The following NAV2 variants were observed in gnomAD, a reference collection of about 807,000 sequenced individuals.
NAV2 encodes the protein neuron navigator 2, also known as helicase, APC down-regulated 1.
Under a neutral mutation model 223.2 loss-of-function variants are expected in NAV2, and 54 were observed. The observed-to-expected ratio is 0.24, with a 90% CI of 0.19 to 0.30. The LOEUF is 0.30. Ranked by LOEUF, NAV2 falls within the 10% of genes least tolerant of loss-of-function variation. The pLI is 1.00. For missense variants in NAV2, 2,806 were observed against 3,147.5 expected, an observed-to-expected ratio of 0.89 and a Z score of 2.60; for synonymous variants, 1,279 against 1,239.3, an observed-to-expected ratio of 1.03 and a Z score of -0.67.
chr11:19,494,885 C>T lies in NAV2; in HGVS notation c.75+143858C>T, dbSNP rs553813943. On this transcript the variant is annotated intron_variant, in intron 1 of 37. Coordinates refer to the NAV2 transcript ENST00000360655. ...GGGTTAGCCTCCAGCAGCTGACCCC[C>T]CGGGCTGTTGTGGTGCTGCAGGCTT... Among the ~76,000 whole-genome samples the T allele has an allele frequency of 1.4e-3, 215 of 152,330 alleles. 2 individuals carry two copies. The highest frequency in any genetic ancestry group is 4.8e-3 in the African/African-American group (200 of 41,578).
rs1228078421 is a variant in NAV2, at chr11:20,107,764, C to T, written c.6942C>T (p.Ala2314=). 8.1e-6 allele frequency: 13 copies of T among 1,613,684 alleles called. No individual in the cohort carries two copies. The highest frequency in any genetic ancestry group is 4.5e-5 in the East Asian group (2 of 44,876). Residue 2314 remains alanine (A), a synonymous_variant, in exon 36 of 38, where the codon GCC becomes GCT. Transcript: ENST00000349880. ...NYSIIPYLLE[A]VREGLQLYGR... ...CCATTATCCCCTATCTCCTGGAAGCCGTCAGAGAAGGACTCCAGGTGAGAA... is the reference window on the plus strand; with the variant it reads ...CCATTATCCCCTATCTCCTGGAAGCTGTCAGAGAAGGACTCCAGGTGAGAA...
chr11:19,696,236 C>T (rs1015012984), intron 1 of NAV2, among the ~76,000 whole-genome samples: 30 of 152,178 alleles, frequency 2.0e-4, no homozygotes, highest in African/African-American at 7.0e-4. Flanking sequence ...TCTGTCCTAG[C>T]AGTACAGCTG....
intron 10 of NAV2, among the ~76,000 whole-genome samples, chr11:19,970,887 T>TGATTA (rs979149003): frequency 2.0e-5 from 3 of 152,220 alleles, no homozygotes; most frequent in Admixed American, 2.0e-4. Context: ...CCAGATCTAA[T>TGATTA]GTTCTGTAGT....
intron 32 of NAV2, 78 bp from the exon 33 acceptor site, chr11:20,103,177 G>A (rs1165124485): frequency 2.1e-6 from 3 of 1,431,764 alleles, no homozygotes; most frequent in Non-Finnish European, 2.9e-6. Context: ...GCCTGGGTGA[G>A]GCAAAGGCCC....
At chr11:19,639,713 C>T (rs888401705) in intron 1 of NAV2, among the ~76,000 whole-genome samples, 2 of 152,200 alleles carry the variant, frequency 1.3e-5, no homozygotes, top group African/African-American at 4.8e-5. Flanking sequence ...CAGAGAAAAG[C>T]AACGTCCTGA....
intron 36 of NAV2, among the ~76,000 whole-genome samples, chr11:20,110,235 G>C (rs533157101): frequency 6.6e-6 from 1 of 152,268 alleles, no homozygotes; most frequent in African/African-American, 2.4e-5. Context: ...GCAAAGGGAG[G>C]CGGCCAGAGT....
At chr11:19,831,312 G>A (rs926764513) in intron 1 of NAV2, among the ~76,000 whole-genome samples, 1 of 151,120 alleles carries the variant, frequency 6.6e-6, no homozygotes, top group Admixed American at 6.6e-5. Flanking sequence ...ACAGGATGGA[G>A]GGTGAGGATG....
chr11:19,531,587 T>C (rs1816396391), intron 1 of NAV2, among the ~76,000 whole-genome samples: 1 of 152,214 alleles, frequency 6.6e-6, no homozygotes, highest in Admixed American at 6.5e-5. Context: ...TCCAAGATTT[T>C]GGCCTGAACA....
chr11:19,415,195 T>A (rs1038343527), intron 1 of NAV2, among the ~76,000 whole-genome samples: 2 of 152,094 alleles, frequency 1.3e-5, no homozygotes, highest in African/African-American at 4.8e-5. Context: ...GATAGACTGC[T>A]AGCCAGACTA....
At position 19,520,947 on chromosome 11, in the gene NAV2, G is replaced by T. The variant is rs190033628; in HGVS notation, c.75+169920G>T. 1.1e-4 allele frequency among the ~76,000 whole-genome samples: 16 copies of T among 152,328 alleles called. No individual in the cohort carries two copies. The East Asian group carries it at 2.9e-3, about 28-fold the overall frequency. On this transcript the variant is annotated intron_variant, in intron 1 of 37. Coordinates refer to the NAV2 transcript ENST00000360655. ...GGATTTTACAGCTCCCCTGGCCCTC[G>T]CTGTGGGCTGAGGCAGCGGTTTGAT...
intron 1 of NAV2, among the ~76,000 whole-genome samples, chr11:19,626,371 C>T (rs569215203): frequency 4.6e-5 from 7 of 152,136 alleles, no homozygotes; most frequent in African/African-American, 7.2e-5. Context: ...TTCTCTATTC[C>T]GTTCCACTGA....
At chr11:20,090,089 C>A (rs1286045078) in intron 26 of NAV2, among the ~76,000 whole-genome samples, 1 of 152,170 alleles carries the variant, frequency 6.6e-6, no homozygotes, top group African/African-American at 2.4e-5. Flanking sequence ...TGTCTAGACA[C>A]TTTTAGGGGA....
chr11:19,979,589 C>T (rs192992270), intron 10 of NAV2, among the ~76,000 whole-genome samples: 112 of 152,306 alleles, frequency 7.4e-4, no homozygotes, highest in Non-Finnish European at 3.4e-4. Context: ...CGCTTTCTCC[C>T]GTGTGTTCTC....
intron 4 of NAV2, among the ~76,000 whole-genome samples, chr11:19,873,620 T>C (rs1031966208): frequency 5.9e-5 from 9 of 152,102 alleles, no homozygotes; most frequent in Non-Finnish European, 1.3e-4. Flanking sequence ...CTGAGTTTTC[T>C]CCTCCTTTCA....
chr11:19,437,435 A>G (rs757494671), intron 1 of NAV2, among the ~76,000 whole-genome samples: 7 of 151,718 alleles, frequency 4.6e-5, no homozygotes, highest in Non-Finnish European at 1.0e-4. Flanking sequence ...TCTGTTTCCA[A>G]CCCCACCCCA....
Position 20,054,149 on chromosome 11 carries a change from A to G in NAV2, c.4551A>G (p.Gly1517=). 2 of 1,613,822 alleles carry G rather than the reference A, an allele frequency of 1.2e-6. No individual in the cohort carries two copies. The highest frequency in any genetic ancestry group is 1.7e-6 in the Non-Finnish European group (2 of 1,179,958). ...AATGGTTACGGTCCCATTCTGCAGG[A>G]GGCCTTCAGGACACCGCTGCCAATT... The part of the protein sequence containing the change: ...AKEWLRSHSA[G]GLQDTAANSP... The change falls in exon 18 of 38, where the codon GGA becomes GGG. Residue 1517 remains glycine, a synonymous_variant. Transcript: ENST00000349880.
At chr11:19,985,547 A>ATAC (rs143240672) in intron 11 of NAV2, among the ~76,000 whole-genome samples, 80,019 of 149,990 alleles carry the variant, frequency 0.53, 23,880 homozygotes, top group Middle Eastern at 0.68. Flanking sequence ...TTGAGAAAAA[A>ATAC]AAGTTTTTTT....
At chr11:20,067,997 G>T (rs1003495334) in intron 20 of NAV2, among the ~76,000 whole-genome samples, 189 bp from the exon 21 acceptor site, 4 of 152,028 alleles carry the variant, frequency 2.6e-5, no homozygotes, top group African/African-American at 9.7e-5. Flanking sequence ...AAAATCATAA[G>T]CCGTTTGTAT....
chr11:19,933,526 G>A lies in NAV2; in HGVS notation c.1282G>A (p.Glu428Lys), dbSNP rs766009057. 1.2e-6 allele frequency: 2 copies of A among 1,609,996 alleles called. No individual in the cohort carries two copies. Among genetic ancestry groups the A allele is most frequent in the Non-Finnish European group, 1.7e-6 (2 of 1,178,170 alleles). Residue 428 changes from glutamate (E) to lysine (K), a missense_variant, in exon 7 of 38, where the codon GAG becomes AAG. Physicochemically the swap from Glu to Lys is moderately conservative, Grantham distance 56. Transcript: ENST00000349880. This position sits in a 1 kb window ranked among gnomAD's most constrained non-coding sequence, Gnocchi z 4.3. ...GCCGGGGTCCCGGGACACAAGCTGT[G>A]AGCGGCTGGAGACTCTGCCCAGCTT... ...EGPGSRDTSC[E>K]RLETLPSFEE...
Sources: gnomAD v4.1 joint callset for allele counts (sites outside exome capture counted in the v4.1 genomes callset) on GRCh38, gnomAD v4.1.1 for gene constraint, Gnocchi (gnomAD v3.1) non-coding constraint, MANE v1.5 for transcripts, NCBI Gene and HGNC (gene_info 2026-07-23, HGNC 2026-07-21) for gene names.